FSTL5: variants seen among roughly 807,000 people sequenced by gnomAD.
The protein encoded by FSTL5 is follistatin-related protein 5.
In FSTL5, 62 loss-of-function variants were observed where a neutral mutation model predicts 89.1. The observed-to-expected ratio is 0.70, with a 90% CI of 0.57 to 0.86. The LOEUF is 0.86. Ranked by LOEUF, FSTL5 falls within the 40% of genes least tolerant of loss-of-function variation. FSTL5 has a pLI of 0.00. For missense variants in FSTL5, 1,057 were observed against 1,001.6 expected, an observed-to-expected ratio of 1.06 and a Z score of -0.75; for synonymous variants, 383 against 346.2, an observed-to-expected ratio of 1.11 and a Z score of -1.18.
intron 6 of FSTL5, among the ~76,000 whole-genome samples, chr4:161,747,570 C>A (rs1560822820): frequency 6.6e-6 from 1 of 152,182 alleles, no homozygotes; most frequent in Non-Finnish European, 1.5e-5. Context: ...TTGTAATCTG[C>A]AACTTCTGTA....
At chr4:161,523,786 G>GT (rs1385708376) in intron 10 of FSTL5, among the ~76,000 whole-genome samples, 1 of 151,866 alleles carries the variant, frequency 6.6e-6, no homozygotes, top group African/African-American at 2.4e-5. Flanking sequence ...ACCTCCCTTG[G>GT]TAATAAATAA....
chr4:161,789,438 A>T (rs1348146157), intron 4 of FSTL5, among the ~76,000 whole-genome samples: 1 of 152,032 alleles, frequency 6.6e-6, no homozygotes, highest in Non-Finnish European at 1.5e-5. Context: ...AGATAGAAAT[A>T]AAAAAAATTA....
chr4:161,407,186 G>T (rs1213733500), intron 15 of FSTL5, among the ~76,000 whole-genome samples: 1 of 152,110 alleles, frequency 6.6e-6, no homozygotes, highest in East Asian at 1.9e-4. Flanking sequence ...TAAAATTTTT[G>T]ATTTTGGATT....
At chr4:162,122,861 A>G (rs551557750) in intron 1 of FSTL5, among the ~76,000 whole-genome samples, 31 of 152,242 alleles carry the variant, frequency 2.0e-4, no homozygotes, top group Middle Eastern at 3.4e-3. Context: ...GATGTTTTAA[A>G]AGTTTGAAAA....
intron 12 of FSTL5, among the ~76,000 whole-genome samples, chr4:161,483,973 TC>T (rs1198027980): frequency 2.0e-5 from 3 of 152,158 alleles, no homozygotes; most frequent in African/African-American, 7.2e-5. Flanking sequence ...TTGGATCTTT[TC>T]CATATTTAAT....
chr4:161,627,033 T>C (rs1389291520), intron 7 of FSTL5, among the ~76,000 whole-genome samples: 2 of 152,140 alleles, frequency 1.3e-5, no homozygotes, highest in Admixed American at 1.3e-4. Flanking sequence ...ATTGTTTAAA[T>C]GACAAAAAAT....
intron 6 of FSTL5, among the ~76,000 whole-genome samples, chr4:161,700,231 T>C (rs1272531251): frequency 6.6e-6 from 1 of 152,216 alleles, no homozygotes; most frequent in Non-Finnish European, 1.5e-5. Flanking sequence ...AAAGAAACTA[T>C]GGCACAGAGA....
intron 1 of FSTL5, among the ~76,000 whole-genome samples, chr4:162,130,762 A>G (rs72986915): frequency 0.095 from 14,504 of 152,186 alleles, 881 homozygotes; most frequent in African/African-American, 0.16. Context: ...ATGTGCAGTG[A>G]TTTGCCCAAG....
At chr4:162,039,039 A>T (rs1361341098) in intron 2 of FSTL5, among the ~76,000 whole-genome samples, 1 of 151,872 alleles carries the variant, frequency 6.6e-6, no homozygotes, top group Non-Finnish European at 1.5e-5. Flanking sequence ...GAGACTAGTC[A>T]TGTGCTCTCT....
Position 162,024,972 on chromosome 4 carries a change from T to A in FSTL5, c.160+8653A>T, listed in dbSNP as rs529211198. On this transcript the variant is annotated intron_variant, in intron 3 of 15. Transcript: ENST00000306100. ...TGTCCTAAATTTAAATATATGTCAT[T>A]ATTATAACGTCAAATTCGTACTCTG... Among the ~76,000 whole-genome samples, 10 of 152,204 alleles carry A rather than the reference T, an allele frequency of 6.6e-5. No individual in the cohort carries two copies. In the South Asian group the frequency reaches 1.2e-3, roughly 19 times the overall value.
chr4:161,384,837 C>G lies in FSTL5; in HGVS notation c.*910G>C, dbSNP rs146561828. 4.0e-4 allele frequency: 60 copies of G among 151,688 alleles called. 1 individual carries two copies. The highest frequency in any genetic ancestry group is 1.3e-3 in the African/African-American group (52 of 41,314). The allele number at this position is 151,688 out of a possible 1,614,324, so 9.4% of individuals were successfully genotyped here. On this transcript the variant is annotated 3_prime_UTR_variant, in exon 16 of 16. Transcript: ENST00000306100. ...AAAAGTAATGTTTCTTTTTTAAAACCGAAAGTTCCTGATGATGAAACATTG... is the reference window on the plus strand; with the variant it reads ...AAAAGTAATGTTTCTTTTTTAAAACGGAAAGTTCCTGATGATGAAACATTG...
intron 8 of FSTL5, among the ~76,000 whole-genome samples, chr4:161,556,215 A>AT (rs1732386767): frequency 6.6e-6 from 1 of 151,584 alleles, no homozygotes; most frequent in South Asian, 2.1e-4. Flanking sequence ...TAAATAGCCA[A>AT]TTTTTGCAAC....
At chr4:162,018,671 C>T (rs567727220) in intron 3 of FSTL5, among the ~76,000 whole-genome samples, 1 of 151,962 alleles carries the variant, frequency 6.6e-6, no homozygotes, top group Admixed American at 6.6e-5. Flanking sequence ...AAAATCAGTG[C>T]CATCTGCTAA....
At chr4:161,866,515 A>G (rs1732097616) in intron 4 of FSTL5, among the ~76,000 whole-genome samples, 1 of 104,912 alleles carries the variant, frequency 9.5e-6, no homozygotes, top group East Asian at 3.4e-4. Flanking sequence ...TGTGGTTTCA[A>G]TCTTCACTCA....
At chr4:161,961,640 A>T (rs1316793210) in intron 3 of FSTL5, among the ~76,000 whole-genome samples, 1 of 151,716 alleles carries the variant, frequency 6.6e-6, no homozygotes, top group East Asian at 1.9e-4. Context: ...GAATTCTTTA[A>T]AATTAGACAT....
chr4:161,788,213 A>C (rs1028464212), intron 4 of FSTL5, among the ~76,000 whole-genome samples: 57 of 152,328 alleles, frequency 3.7e-4, no homozygotes, highest in African/African-American at 1.3e-3. Flanking sequence ...AAATTAGGGT[A>C]AGTAGTATAT....
chr4:161,933,160 T>C (rs150394383), intron 3 of FSTL5, among the ~76,000 whole-genome samples: 96 of 152,180 alleles, frequency 6.3e-4, no homozygotes, highest in Middle Eastern at 3.4e-3. Context: ...AAGTGTGACA[T>C]GGTCTGGCAC....
At chr4:161,679,535 A>G (rs888418996) in intron 6 of FSTL5, among the ~76,000 whole-genome samples, 66 of 151,970 alleles carry the variant, frequency 4.3e-4, no homozygotes, top group African/African-American at 1.5e-3. Context: ...TTCCTACACT[A>G]TGTTGGCTCT....
chr4:161,566,725 G>C (rs1279522366), intron 8 of FSTL5, among the ~76,000 whole-genome samples: 1 of 151,758 alleles, frequency 6.6e-6, no homozygotes, highest in Non-Finnish European at 1.5e-5. Flanking sequence ...ACATATTTTC[G>C]TATCTCATGG....
Sources: allele counts gnomAD v4.1 joint callset (sites outside exome capture counted in the v4.1 genomes callset), GRCh38; gene constraint gnomAD v4.1.1; transcripts MANE v1.5; gene names NCBI Gene and HGNC (gene_info 2026-07-23, HGNC 2026-07-21).